The following ZFHX3 variants were observed in gnomAD, a reference collection of about 807,000 sequenced individuals.
ZFHX3 encodes zinc finger homeobox 3.
Under a neutral mutation model 279.1 loss-of-function variants are expected in ZFHX3, and 42 were observed. The ratio of observed to expected loss-of-function variants is 0.15; its 90% CI spans 0.12 to 0.19. The LOEUF (loss-of-function observed/expected upper bound fraction) is 0.19. ZFHX3 is among the 10% of genes least tolerant of loss of function. The probability of loss-of-function intolerance (pLI) is 1.00; values close to 1 mark genes in which losing one functional copy is unlikely to be tolerated. For missense variants in ZFHX3, 4,981 were observed against 4,754.0 expected (o/e 1.05, Z -1.40); for synonymous variants, 2,293 against 1,957.8 (o/e 1.17, Z -4.52).
At chr16:73,482,979 A>C (rs2018897149) in intron 2 of ZFHX3, among the ~76,000 whole-genome samples, 1 of 152,256 alleles carries the variant, frequency 6.6e-6, no homozygotes, top group East Asian at 1.9e-4. Context: ...ACCGCAAGAC[A>C]CAACACATCG....
chr16:73,058,939 C>T, exon 1 of ZFHX3: 1 of 159,526 alleles, frequency 6.3e-6, no homozygotes. Flanking sequence ...GCGGCTGCGG[C>T]CGGGAGGAGG....
intron 5 of ZFHX3, chr16:73,144,217 A>C (rs1288141614): frequency 6.3e-6 from 1 of 158,336 alleles, no homozygotes; most frequent in Non-Finnish European, 1.4e-5. Context: ...TTGAAAGTGA[A>C]ATCTTGTACT....
intron 3 of ZFHX3, among the ~76,000 whole-genome samples, chr16:73,360,585 C>A (rs139989710): frequency 6.6e-6 from 1 of 152,214 alleles, no homozygotes; most frequent in Admixed American, 6.5e-5. Context: ...GTGATCCACC[C>A]ACCTTGGCCT....
chr16:73,630,946 C>T (rs1425581565), intron 2 of ZFHX3, among the ~76,000 whole-genome samples: 3 of 152,210 alleles, frequency 2.0e-5, no homozygotes, highest in Admixed American at 6.5e-5. Context: ...TTTGTTTTAA[C>T]TCGGTAATAA....
chr16:73,816,990 C>G (rs576944955), intron 1 of ZFHX3, among the ~76,000 whole-genome samples: 1 of 152,224 alleles, frequency 6.6e-6, no homozygotes, highest in African/African-American at 2.4e-5. Flanking sequence ...TCCCCACATC[C>G]CAGGAGCCAT....
In ZFHX3 at chr16:72,958,252, C is replaced by T. The variant is rs377596031; in HGVS notation, c.1894G>A (p.Gly632Arg). The change falls in exon 2 of 10, where the codon GGG becomes AGG. Residue 632 changes from glycine (G) to arginine (R), a missense_variant. Coordinates refer to ENST00000268489, the MANE Select transcript of ZFHX3 (RefSeq NM_006885.4). ...ACGCCACTCCCCGAGGGGCACTCCC[C>T]AACCCCAAGCTCGCAGAGGGAGCCA... ...HAGSLCELGV[G>R]ECPSGSGVEC... 19 of 1,613,898 alleles carry T rather than the reference C, an allele frequency of 1.2e-5. No individual in the cohort carries two copies. Among genetic ancestry groups the T allele is most frequent in the African/African-American group, 1.1e-4 (8 of 75,062 alleles).
chr16:73,249,543 A>C (rs1042808107), intron 5 of ZFHX3, among the ~76,000 whole-genome samples: 1 of 152,178 alleles, frequency 6.6e-6, no homozygotes, highest in Non-Finnish European at 1.5e-5. Flanking sequence ...CCACGAGAAG[A>C]GTATGGGGGA....
At chr16:73,155,875 A>G (rs1967067878) in intron 5 of ZFHX3, among the ~76,000 whole-genome samples, 1 of 151,284 alleles carries the variant, frequency 6.6e-6, no homozygotes, top group African/African-American at 2.5e-5. Context: ...TATATGACAC[A>G]TGTCATTATA....
chr16:73,638,812 C>T (rs542888116), intron 2 of ZFHX3, among the ~76,000 whole-genome samples: 2 of 152,166 alleles, frequency 1.3e-5, no homozygotes, highest in East Asian at 3.9e-4. Context: ...GAATCAAGAA[C>T]CATGTTTCTT....
chr16:73,499,914 G>A (rs1370729026), intron 2 of ZFHX3: 1 of 152,200 alleles, frequency 6.6e-6, no homozygotes, highest in African/African-American at 2.4e-5. Context: ...CACTACTCAT[G>A]TGTCTGTGAT....
chr16:73,104,117 G>A (rs1966264858), intron 7 of ZFHX3, among the ~76,000 whole-genome samples: 1 of 152,120 alleles, frequency 6.6e-6, no homozygotes, highest in South Asian at 2.1e-4. Flanking sequence ...GTTATGGGAG[G>A]TCTCCAGATG....
At chr16:73,470,798 C>T (rs1201168360) in intron 2 of ZFHX3, among the ~76,000 whole-genome samples, 1 of 152,234 alleles carries the variant, frequency 6.6e-6, no homozygotes, top group Non-Finnish European at 1.5e-5. Context: ...TGCTGAAAAA[C>T]TGAGATTGTT....
intron 1 of ZFHX3, among the ~76,000 whole-genome samples, chr16:73,747,660 T>C (rs901902649): frequency 3.9e-5 from 6 of 152,162 alleles, no homozygotes; most frequent in Non-Finnish European, 8.8e-5. Flanking sequence ...CTCAGATAGA[T>C]ATAAGTATAG....
At chr16:72,881,894 T>C (rs2038483553) in intron 4 of ZFHX3, among the ~76,000 whole-genome samples, 1 of 151,780 alleles carries the variant, frequency 6.6e-6, no homozygotes, top group Non-Finnish European at 1.5e-5. Flanking sequence ...TAGGGTGGAG[T>C]TTCAGATTTT....
At chr16:72,875,343 G>T (rs1010828207) in intron 4 of ZFHX3, among the ~76,000 whole-genome samples, 1 of 152,242 alleles carries the variant, frequency 6.6e-6, no homozygotes, top group Non-Finnish European at 1.5e-5. Context: ...TGGCTTGGTT[G>T]TGAGCCCAGC....
chr16:73,786,310 T>C (rs1373567235), intron 1 of ZFHX3, among the ~76,000 whole-genome samples: 1 of 152,212 alleles, frequency 6.6e-6, no homozygotes, highest in Non-Finnish European at 1.5e-5. Flanking sequence ...GAGTTCATTT[T>C]TCTCTTTTCT....
intron 3 of ZFHX3, among the ~76,000 whole-genome samples, chr16:73,353,607 C>G (rs900662799): frequency 1.3e-5 from 2 of 152,154 alleles, no homozygotes; most frequent in Non-Finnish European, 2.9e-5. Context: ...AGATTTGGGA[C>G]TTTGAACCAG....
chr16:72,845,943 T>C lies in ZFHX3; in HGVS notation c.3449-16084A>G, dbSNP rs567084508. Among the ~76,000 whole-genome samples, 15 of 152,310 alleles carry C rather than the reference T, an allele frequency of 9.8e-5. No homozygotes were observed. The South Asian group carries it at 2.9e-3, about 29-fold the overall frequency. On this transcript the variant is annotated intron_variant, in intron 4 of 9. Coordinates refer to ENST00000268489, the MANE Select transcript of ZFHX3 (RefSeq NM_006885.4). Reference sequence around the variant, plus strand: ...CTGATGCCAAGGACCATATGCTTAATGGCTACCTCTAGAGGCACCAACCAT... The same window carrying C: ...CTGATGCCAAGGACCATATGCTTAACGGCTACCTCTAGAGGCACCAACCAT...
chr16:73,592,923 A>G (rs902764706), intron 2 of ZFHX3, among the ~76,000 whole-genome samples: 5 of 152,150 alleles, frequency 3.3e-5, no homozygotes, highest in Admixed American at 6.5e-5. Context: ...AAAAAACAGT[A>G]TTAGTAATGA....
Sources: gnomAD v4.1 joint callset for allele counts (sites outside exome capture counted in the v4.1 genomes callset) on GRCh38, gnomAD v4.1.1 for gene constraint, MANE v1.5 for transcripts, NCBI Gene and HGNC (gene_info 2026-07-23, HGNC 2026-07-21) for gene names.